The following TBC1D5 variants were observed in gnomAD, a reference collection of about 807,000 sequenced individuals.
TBC1D5 encodes TBC1 domain family member 5, also known as TBC1 domain family, member 5.
In TBC1D5, 75 loss-of-function variants were observed where a neutral mutation model predicts 100.3. The observed-to-expected ratio is 0.75, with a 90% confidence interval of 0.62 to 0.91. The LOEUF is 0.91. Ranked by LOEUF, TBC1D5 falls within the 40% of genes least tolerant of loss-of-function variation. The pLI is 0.00. For missense variants in TBC1D5, 910 were observed against 942.4 expected, an observed-to-expected ratio of 0.97 and a Z score of 0.45; for synonymous variants, 323 against 325.6, an observed-to-expected ratio of 0.99 and a Z score of 0.09.
chr3:17,507,173 T>C (rs1007024768), intron 3 of TBC1D5, among the ~76,000 whole-genome samples: 2 of 152,194 alleles, frequency 1.3e-5, no homozygotes, highest in African/African-American at 4.8e-5. Flanking sequence ...ACTTGCAAAA[T>C]AATTTGATTT....
At chr3:17,200,023 G>C (rs1027884033) in intron 18 of TBC1D5, among the ~76,000 whole-genome samples, 1 of 151,420 alleles carries the variant, frequency 6.6e-6, no homozygotes. Flanking sequence ...GAGCTAGAGA[G>C]GGGAAAGGAG....
intron 19 of TBC1D5, among the ~76,000 whole-genome samples, chr3:17,168,706 C>G (rs530019912): frequency 6.6e-6 from 1 of 152,236 alleles, no homozygotes; most frequent in South Asian, 2.1e-4. Flanking sequence ...TTTTAAAAAA[C>G]ATGCTGATAG....
intron 1 of TBC1D5, among the ~76,000 whole-genome samples, chr3:17,629,662 T>G (rs1296582033): frequency 6.6e-6 from 1 of 152,140 alleles, no homozygotes; most frequent in Non-Finnish European, 1.5e-5. Flanking sequence ...GTGATGTAAG[T>G]AGTCATATTA....
intron 2 of TBC1D5, among the ~76,000 whole-genome samples, chr3:17,550,511 C>G (rs886128732): frequency 2.7e-5 from 4 of 150,942 alleles, no homozygotes; most frequent in Non-Finnish European, 4.4e-5. Flanking sequence ...ATTTAAAACA[C>G]AGGGTACACA....
chr3:17,201,014 GAATT>G (rs1477883652), intron 18 of TBC1D5, among the ~76,000 whole-genome samples: 1 of 152,146 alleles, frequency 6.6e-6, no homozygotes, highest in Non-Finnish European at 1.5e-5. Flanking sequence ...ATGGTCAAAA[GAATT>G]ATTTGTTTTT....
chr3:17,321,108 T>C (rs1001297709), intron 13 of TBC1D5, among the ~76,000 whole-genome samples: 1 of 152,220 alleles, frequency 6.6e-6, no homozygotes, highest in African/African-American at 2.4e-5. Flanking sequence ...CACTCTGTTG[T>C]CCAGGCTGGA....
chr3:17,294,927 TGACACAATAA>T (rs1484571581), intron 14 of TBC1D5, among the ~76,000 whole-genome samples: 1 of 152,016 alleles, frequency 6.6e-6, no homozygotes, highest in East Asian at 1.9e-4. Context: ...AGTAAGGATC[TGACACAATAA>T]GAATTTAGTT....
rs886139619 is a variant in TBC1D5, at chr3:17,359,150, G to A, written c.995+12925C>T. Among the ~76,000 whole-genome samples, 13 of 152,008 alleles carry A rather than the reference G, an allele frequency of 8.6e-5. No individual in the cohort carries two copies. In the East Asian group the frequency reaches 9.6e-4, roughly 11 times the overall value. On this transcript the variant is annotated intron_variant, in intron 13 of 21. Transcript: ENST00000253692. ...AAAAATAAGAAGCAAAAAGCAACAC[G>A]TTCCACCAGCATTTCATCTGTATCT...
chr3:17,697,007 A>G (rs368360152), intron 1 of TBC1D5, among the ~76,000 whole-genome samples: 19 of 152,350 alleles, frequency 1.2e-4, no homozygotes, highest in East Asian at 3.9e-4. Context: ...TAAAAACCAC[A>G]TGATTATCTT....
chr3:17,298,924 C>T (rs2082531788), intron 14 of TBC1D5, among the ~76,000 whole-genome samples: 1 of 152,090 alleles, frequency 6.6e-6, no homozygotes, highest in South Asian at 2.1e-4. Context: ...CAGTGGATAC[C>T]TGAAACCTCA....
At chr3:17,693,854 C>T (rs1397879613) in intron 1 of TBC1D5, among the ~76,000 whole-genome samples, 2 of 152,082 alleles carry the variant, frequency 1.3e-5, no homozygotes, top group African/African-American at 2.4e-5. Context: ...CTCATATAAG[C>T]GGGTGCCCCT....
At position 17,337,593 on chromosome 3, in the gene TBC1D5, C is replaced by T. The variant is rs556106851; in HGVS notation, c.996-29459G>A. On this transcript the variant is annotated intron_variant, in intron 13 of 21. Transcript: ENST00000253692. ...GTGTCACAGTACCTCCAGACTTCAG[C>T]TAGTTTGAGGCAAGATATTCTGAAG... is the stretch of plus-strand genomic sequence containing the variant. 5 of 152,252 alleles carry T rather than the reference C, an allele frequency of 3.3e-5. No homozygotes were observed. The East Asian group carries it at 9.6e-4, about 29-fold the overall frequency. The allele number at this position is 152,252 out of a possible 1,614,324, so 9.4% of individuals were successfully genotyped here.
intron 19 of TBC1D5, among the ~76,000 whole-genome samples, chr3:17,180,752 A>G (rs755342334): frequency 6.6e-6 from 1 of 152,100 alleles, no homozygotes; most frequent in Non-Finnish European, 1.5e-5. Flanking sequence ...ATGGAATAAT[A>G]GACACTGGAG....
intron 3 of TBC1D5, among the ~76,000 whole-genome samples, chr3:17,489,122 T>C (rs369809448): frequency 2.8e-4 from 42 of 152,026 alleles, no homozygotes; most frequent in African/African-American, 9.2e-4. Context: ...AAATTAACCA[T>C]AAAATTTAGA....
chr3:17,658,658 A>G (rs1240059546), intron 1 of TBC1D5, among the ~76,000 whole-genome samples: 1 of 152,132 alleles, frequency 6.6e-6, no homozygotes, highest in East Asian at 1.9e-4. Context: ...TATCTGAGAC[A>G]GTTATAGCTT....
At chr3:17,529,263 ACT>A (rs1247173227) in intron 2 of TBC1D5, among the ~76,000 whole-genome samples, 1 of 152,088 alleles carries the variant, frequency 6.6e-6, no homozygotes, top group Non-Finnish European at 1.5e-5. Flanking sequence ...CTATCTGTAA[ACT>A]CTGCAAAACA....
chr3:17,436,637 A>G (rs1343337459), intron 3 of TBC1D5, among the ~76,000 whole-genome samples: 1 of 152,308 alleles, frequency 6.6e-6, no homozygotes, highest in African/African-American at 2.4e-5. Context: ...TTTAAAGAGA[A>G]TGCAGGATAT....
intron 2 of TBC1D5, among the ~76,000 whole-genome samples, chr3:17,565,324 G>C (rs561921016): frequency 2.0e-5 from 3 of 152,188 alleles, no homozygotes; most frequent in Non-Finnish European, 4.4e-5. Flanking sequence ...GTTGAAAGCA[G>C]TATTAAGTAG....
At chr3:17,267,139 C>G (rs2078930637) in intron 15 of TBC1D5, among the ~76,000 whole-genome samples, 1 of 152,062 alleles carries the variant, frequency 6.6e-6, no homozygotes. Context: ...TAAATAGACA[C>G]CAGAAGAGAA....
Sources: gnomAD v4.1 joint callset for allele counts (sites outside exome capture counted in the v4.1 genomes callset) on GRCh38, gnomAD v4.1.1 for gene constraint, MANE v1.5 for transcripts, NCBI Gene and HGNC (gene_info 2026-07-23, HGNC 2026-07-21) for gene names.